Variants in CNTN4 observed in about 807,000 individuals in gnomAD.
CNTN4 encodes contactin 4, also known as contactin-4.
Under a neutral mutation model 122.5 loss-of-function variants are expected in CNTN4, and 77 were observed. The ratio of observed to expected loss-of-function variants is 0.63; its 90% CI spans 0.52 to 0.76. CNTN4 has a LOEUF of 0.76. CNTN4 is among the 30% of genes least tolerant of loss of function. The pLI, the probability that CNTN4 is intolerant of heterozygous loss-of-function variation, is 0.00. For missense variants in CNTN4, 1,256 were observed against 1,259.1 expected (o/e 1.00, Z 0.04); for synonymous variants, 512 against 447.0 (o/e 1.15, Z -1.83).
At chr3:2,317,563 T>C (rs369860084) in intron 2 of CNTN4, among the ~76,000 whole-genome samples, 11 of 152,304 alleles carry the variant, frequency 7.2e-5, no homozygotes, top group African/African-American at 2.6e-4. Context: ...GTGCAGTGGA[T>C]CACCGAGGCA....
chr3:2,616,999 A>G (rs1037843889), intron 4 of CNTN4, among the ~76,000 whole-genome samples: 4 of 152,192 alleles, frequency 2.6e-5, no homozygotes, highest in African/African-American at 9.7e-5. Flanking sequence ...CTCAAGCGGG[A>G]TTAAAGGCTT....
At chr3:2,321,389 C>A (rs2043272889) in intron 2 of CNTN4, among the ~76,000 whole-genome samples, 1 of 152,132 alleles carries the variant, frequency 6.6e-6, no homozygotes, top group South Asian at 2.1e-4. Flanking sequence ...ATAAGGCTGT[C>A]CCCACAGAAC....
At chr3:2,225,322 G>A (rs1462023423) in intron 2 of CNTN4, among the ~76,000 whole-genome samples, 2 of 151,562 alleles carry the variant, frequency 1.3e-5, no homozygotes, top group African/African-American at 4.9e-5. Context: ...AGACAAGCCT[G>A]GCCAAGATGG....
chr3:2,183,104 A>G (rs565233716), intron 2 of CNTN4, among the ~76,000 whole-genome samples: 4 of 152,270 alleles, frequency 2.6e-5, no homozygotes, highest in South Asian at 4.2e-4. Context: ...CCTTGGATCT[A>G]TTTTCAAAAT....
At chr3:2,632,543 CT>C (rs1327560610) in intron 4 of CNTN4, among the ~76,000 whole-genome samples, 1 of 152,198 alleles carries the variant, frequency 6.6e-6, no homozygotes, top group Non-Finnish European at 1.5e-5. Context: ...TTATGTCTCT[CT>C]TCTCATGCTC....
At chr3:3,038,361 C>T (rs1699810807) in intron 18 of CNTN4, among the ~76,000 whole-genome samples, 1 of 152,122 alleles carries the variant, frequency 6.6e-6, no homozygotes. Context: ...CTTCTGTCTG[C>T]CACTTCCTTC....
intron 6 of CNTN4, among the ~76,000 whole-genome samples, chr3:2,814,907 A>G (rs570532063): frequency 2.6e-5 from 4 of 152,360 alleles, no homozygotes; most frequent in African/African-American, 9.6e-5. Flanking sequence ...TATGACTGCA[A>G]TATAGTCTGC....
At chr3:2,745,822 C>A in intron 6 of CNTN4, 125 bp downstream of exon 6, 1 of 840,516 alleles carries the variant, frequency 1.2e-6, no homozygotes. Context: ...CATCTTTACT[C>A]TTTTTCACAT....
chr3:2,252,678 A>T (rs1467622413), intron 2 of CNTN4, among the ~76,000 whole-genome samples: 1 of 152,100 alleles, frequency 6.6e-6, no homozygotes, highest in Non-Finnish European at 1.5e-5. Flanking sequence ...TATGAAACTT[A>T]ACTCACACAC....
At chr3:2,641,246 G>T (rs145029656) in intron 4 of CNTN4, among the ~76,000 whole-genome samples, 3 of 151,988 alleles carry the variant, frequency 2.0e-5, no homozygotes, top group Non-Finnish European at 2.9e-5. Flanking sequence ...GGTGCTTCCA[G>T]TGTGACATGT....
chr3:2,455,573 T>A (rs2151390616), intron 3 of CNTN4, among the ~76,000 whole-genome samples: 1 of 152,182 alleles, frequency 6.6e-6, no homozygotes, highest in East Asian at 1.9e-4. Context: ...TGGTAGTGGA[T>A]CAGAAGAAGG....
At chr3:2,797,665 TC>T (rs1449428693) in intron 6 of CNTN4, among the ~76,000 whole-genome samples, 1 of 152,140 alleles carries the variant, frequency 6.6e-6, no homozygotes. Context: ...ATTAAACAAG[TC>T]CCTTTACTGC....
chr3:2,685,286 G>A (rs974856106), intron 4 of CNTN4, among the ~76,000 whole-genome samples: 22 of 152,094 alleles, frequency 1.4e-4, no homozygotes, highest in African/African-American at 5.3e-4. Flanking sequence ...GAAGTAATGG[G>A]GAGTGAATAC....
chr3:2,127,312 T>C (rs1331751361), intron 2 of CNTN4, among the ~76,000 whole-genome samples: 2 of 152,148 alleles, frequency 1.3e-5, no homozygotes, highest in Non-Finnish European at 2.9e-5. Context: ...AGTACCTTGC[T>C]GTGAATCATC....
chr3:2,180,027 C>T (rs2036942416), intron 2 of CNTN4, among the ~76,000 whole-genome samples: 1 of 151,326 alleles, frequency 6.6e-6, no homozygotes, highest in South Asian at 2.1e-4. Flanking sequence ...ATTTCAAGGG[C>T]TCCATAGCCA....
At chr3:2,211,893 C>G (rs1447000827) in intron 2 of CNTN4, among the ~76,000 whole-genome samples, 2 of 152,180 alleles carry the variant, frequency 1.3e-5, no homozygotes, top group Admixed American at 1.3e-4. Flanking sequence ...AAAATTTTCC[C>G]TACATTAATT....
intron 2 of CNTN4, among the ~76,000 whole-genome samples, chr3:2,313,043 G>A (rs1454838108): frequency 6.6e-6 from 1 of 151,944 alleles, no homozygotes; most frequent in Non-Finnish European, 1.5e-5. Flanking sequence ...ATAAAATGAA[G>A]TAATGTTCAA....
At chr3:2,139,274 A>G (rs1219442941) in intron 2 of CNTN4, among the ~76,000 whole-genome samples, 1 of 152,244 alleles carries the variant, frequency 6.6e-6, no homozygotes, top group East Asian at 1.9e-4. Context: ...CAAATGAATA[A>G]GAATTTATGT....
chr3:2,894,863 A>G (rs934412385), intron 10 of CNTN4, among the ~76,000 whole-genome samples: 1 of 152,196 alleles, frequency 6.6e-6, no homozygotes, highest in African/African-American at 2.4e-5. Context: ...TCATTTATAA[A>G]GTTCTGAACT....
Sources: gnomAD v4.1 joint callset for allele counts (sites outside exome capture counted in the v4.1 genomes callset) on GRCh38, gnomAD v4.1.1 for gene constraint, MANE v1.5 for transcripts, NCBI Gene and HGNC (gene_info 2026-07-23, HGNC 2026-07-21) for gene names.